The following NCALD variants were observed in gnomAD, a reference collection of about 807,000 sequenced individuals.
NCALD encodes neurocalcin-delta.
A neutral mutation model predicts 18.6 loss-of-function variants in NCALD; 10 were observed. That is an observed-to-expected ratio of 0.54 (90% CI 0.33 to 0.91). NCALD has a LOEUF of 0.91. Among genes scored for constraint, NCALD ranks in the 40% least tolerant of loss-of-function variants. The probability of loss-of-function intolerance (pLI) is 0.03; values close to 1 mark genes in which losing one functional copy is unlikely to be tolerated. For synonymous variants in NCALD, 88 were observed against 87.4 expected (o/e 1.01, Z -0.04); for missense variants, 184 against 247.6 (o/e 0.74, Z 1.72).
chr8:101,877,642 T>TA (rs1291922104), intron 4 of NCALD, among the ~76,000 whole-genome samples: 1 of 152,202 alleles, frequency 6.6e-6, no homozygotes, highest in African/African-American at 2.4e-5. Context: ...CTATGTATGC[T>TA]ATAACATGGA....
chr8:102,112,362 GGATTAATCCAGCTCCAGA>G (rs1373753005), intron 1 of NCALD, among the ~76,000 whole-genome samples: 1 of 152,064 alleles, frequency 6.6e-6, no homozygotes, highest in Non-Finnish European at 1.5e-5. Flanking sequence ...GACCAAAACC[GGATTAATCCAGCTCCAGA>G]AGGGATGTGC....
intron 1 of NCALD, among the ~76,000 whole-genome samples, chr8:101,755,036 T>C (rs962780362): frequency 3.3e-5 from 5 of 152,182 alleles, no homozygotes; most frequent in African/African-American, 1.2e-4. Flanking sequence ...CTATCACTTA[T>C]TTGGTACTTG....
At chr8:101,955,846 AT>A (rs1445435712) in intron 2 of NCALD, among the ~76,000 whole-genome samples, 3 of 152,152 alleles carry the variant, frequency 2.0e-5, no homozygotes, top group African/African-American at 7.2e-5. Flanking sequence ...GTAGTATCTA[AT>A]TTCCTAATAT....
intron 2 of NCALD, among the ~76,000 whole-genome samples, chr8:101,954,416 G>A (rs1005631724): frequency 6.6e-6 from 1 of 152,050 alleles, no homozygotes; most frequent in East Asian, 1.9e-4. Flanking sequence ...CTGGCTTCCT[G>A]CTTTCTGCTT....
intron 2 of NCALD, among the ~76,000 whole-genome samples, chr8:102,003,232 T>C (rs936531931): frequency 1.3e-5 from 2 of 152,036 alleles, no homozygotes; most frequent in African/African-American, 4.8e-5. Context: ...CAAACTACCA[T>C]CAGAGAATAC....
At chr8:101,950,686 C>A (rs78700851) in intron 2 of NCALD, among the ~76,000 whole-genome samples, 12 of 152,148 alleles carry the variant, frequency 7.9e-5, no homozygotes, top group Non-Finnish European at 1.2e-4. Context: ...TGTGTCCCCC[C>A]ACTTGTTCCT....
chr8:102,107,452 T>C (rs1825510612), intron 1 of NCALD, among the ~76,000 whole-genome samples: 1 of 152,012 alleles, frequency 6.6e-6, no homozygotes, highest in African/African-American at 2.4e-5. Flanking sequence ...CCCACCCTTC[T>C]GGTAAAATCA....
intron 1 of NCALD, among the ~76,000 whole-genome samples, chr8:102,087,429 C>G (rs1824774004): frequency 6.6e-6 from 1 of 152,054 alleles, no homozygotes; most frequent in African/African-American, 2.4e-5. Flanking sequence ...TGGTAGGGCA[C>G]CCAGGTAAAG....
intron 2 of NCALD, among the ~76,000 whole-genome samples, chr8:101,962,013 T>A (rs1819853709): frequency 6.6e-6 from 1 of 152,126 alleles, no homozygotes; most frequent in South Asian, 2.1e-4. Flanking sequence ...CCAAGAGACA[T>A]CAGTTTATCT....
intron 1 of NCALD, among the ~76,000 whole-genome samples, chr8:102,085,521 G>A (rs1324451005): frequency 2.0e-5 from 3 of 152,176 alleles, no homozygotes; most frequent in South Asian, 2.1e-4. Flanking sequence ...TTGGGAGGCC[G>A]AGGCAGGCAG....
chr8:101,851,564 A>G (rs1414760886), intron 4 of NCALD, among the ~76,000 whole-genome samples: 1 of 152,208 alleles, frequency 6.6e-6, no homozygotes, highest in Non-Finnish European at 1.5e-5. Context: ...CACAATGTTA[A>G]GGTTATGAAT....
intron 1 of NCALD, among the ~76,000 whole-genome samples, chr8:102,058,965 C>A (rs1484395400): frequency 2.0e-5 from 3 of 152,274 alleles, no homozygotes; most frequent in African/African-American, 4.8e-5. Flanking sequence ...GACGGCCTTT[C>A]TTGGCTGAAA....
chr8:102,069,616 C>A (rs1010996744), intron 1 of NCALD, among the ~76,000 whole-genome samples: 1 of 151,934 alleles, frequency 6.6e-6, no homozygotes, highest in Non-Finnish European at 1.5e-5. Flanking sequence ...AGGAAAAAAC[C>A]CTAAACAAAA....
In NCALD at chr8:101,768,557, A is replaced by G. The variant is rs928614257; in HGVS notation, c.-20+22305T>C. Among the ~76,000 whole-genome samples the G allele has an allele frequency of 3.3e-5, 5 of 152,222 alleles. No individual in the cohort carries two copies. The East Asian group carries it at 9.7e-4, about 29-fold the overall frequency. On this transcript the variant is annotated intron_variant, in intron 1 of 3. Coordinates refer to ENST00000220931, the MANE Select transcript of NCALD (RefSeq NM_032041.3). ...AGCCTCATCTCTACTAAAAATACAA[A>G]AATTAGCCAGGTGTGGTGGTGCATG...
chr8:101,950,518 A>T (rs1255374514), intron 2 of NCALD, among the ~76,000 whole-genome samples: 1 of 152,220 alleles, frequency 6.6e-6, no homozygotes, highest in African/African-American at 2.4e-5. Context: ...CCATTTCGTC[A>T]GCCCTCCCTC....
intron 3 of NCALD, among the ~76,000 whole-genome samples, chr8:101,912,365 T>C (rs1046117634): frequency 6.6e-6 from 1 of 152,222 alleles, no homozygotes; most frequent in Non-Finnish European, 1.5e-5. Flanking sequence ...ACAGACATTG[T>C]TGCTATGGAG....
chr8:101,867,703 A>G (rs1321231006), intron 4 of NCALD, among the ~76,000 whole-genome samples: 3 of 152,174 alleles, frequency 2.0e-5, no homozygotes, highest in Non-Finnish European at 4.4e-5. Flanking sequence ...CATTTTATTA[A>G]TATTTATCTT....
chr8:101,953,247 C>T (rs1297904382), intron 2 of NCALD, among the ~76,000 whole-genome samples: 1 of 152,198 alleles, frequency 6.6e-6, no homozygotes, highest in Non-Finnish European at 1.5e-5. Context: ...CTGACGGTGG[C>T]TCCTCAACCT....
At chr8:101,810,384 C>T (rs1813262343) in intron 4 of NCALD, among the ~76,000 whole-genome samples, 1 of 152,124 alleles carries the variant, frequency 6.6e-6, no homozygotes, top group Non-Finnish European at 1.5e-5. Context: ...GAAAGAGCTA[C>T]TCTCTATAAT....
Sources: allele counts gnomAD v4.1 joint callset (sites outside exome capture counted in the v4.1 genomes callset), GRCh38; gene constraint gnomAD v4.1.1; transcripts MANE v1.5; gene names NCBI Gene and HGNC (gene_info 2026-07-23, HGNC 2026-07-21).